The following MYH15 variants were observed in gnomAD, a reference collection of about 807,000 sequenced individuals.
MYH15 encodes myosin-15.
Under a neutral mutation model 240.5 loss-of-function variants are expected in MYH15, and 227 were observed. The ratio of observed to expected loss-of-function variants is 0.94; its 90% CI spans 0.85 to 1.05. The LOEUF (loss-of-function observed/expected upper bound fraction) is 1.05, where lower values mean the gene tolerates loss of function less well. Ranked by LOEUF, MYH15 falls within the 50% of genes least tolerant of loss-of-function variation. The probability of loss-of-function intolerance (pLI) is 0.00; values close to 1 mark genes in which losing one functional copy is unlikely to be tolerated. For missense variants in MYH15, 2,217 were observed against 2,247.5 expected, an observed-to-expected ratio of 0.99 and a Z score of 0.27; for synonymous variants, 785 against 796.7, an observed-to-expected ratio of 0.99 and a Z score of 0.25.
chr3:108,392,706 G>C (rs1033786611), intron 36 of MYH15, among the ~76,000 whole-genome samples: 4 of 152,202 alleles, frequency 2.6e-5, no homozygotes, highest in Non-Finnish European at 5.9e-5. Context: ...ACTGTGGGAG[G>C]CTTGGAGGCT....
At chr3:108,387,895 T>G (rs928985662) in intron 38 of MYH15, among the ~76,000 whole-genome samples, 4 of 152,256 alleles carry the variant, frequency 2.6e-5, no homozygotes, top group African/African-American at 9.6e-5. Context: ...TGAAGTGCTG[T>G]GCTTTCTTAT....
At position 108,464,806 on chromosome 3, in the gene MYH15, G is replaced by A. The variant is rs756867643; in HGVS notation, c.1563C>T (p.Gly521=). The part of the protein sequence containing the change: ...ACIDLIEKPM[G]ILSILEEECM... ...ACTCTTCTTCAAGGATGGAAAGGAT[G>A]CCCATTGGCTGTTGAAGAGACATAA... is the stretch of plus-strand genomic sequence containing the variant. The change falls in exon 15 of 41, where the codon GGC becomes GGT. Residue 521 remains glycine (G), a synonymous_variant. Coordinates refer to ENST00000693548, the MANE Select transcript of MYH15 (RefSeq NM_014981.3). 43 of 1,605,462 alleles carry A rather than the reference G, an allele frequency of 2.7e-5. No individual in the cohort carries two copies. The highest frequency in any genetic ancestry group is 3.6e-5 in the Non-Finnish European group (42 of 1,177,398).
At chr3:108,477,173 A>G (rs958173015) in intron 11 of MYH15, among the ~76,000 whole-genome samples, 1 of 152,196 alleles carries the variant, frequency 6.6e-6, no homozygotes, top group Non-Finnish European at 1.5e-5. Context: ...GCACTACAAC[A>G]TGGCTGAAAC....
the MYH15 span, among the ~76,000 whole-genome samples, chr3:108,545,516 T>C: frequency 6.6e-6 from 1 of 152,112 alleles, no homozygotes; most frequent in Non-Finnish European, 1.5e-5. Context: ...AATAAAACAT[T>C]AAATAAAAAC....
At chr3:108,436,695 C>T (rs147957378) in intron 25 of MYH15, among the ~76,000 whole-genome samples, 17 of 152,272 alleles carry the variant, frequency 1.1e-4, no homozygotes, top group South Asian at 8.3e-4. Flanking sequence ...CATGCCATCA[C>T]GCCCAGCTAA....
rs751582439 is a variant in MYH15 at position 108,398,648 on chromosome 3, A to G, written c.5122T>C (p.Phe1708Leu). The G allele has an allele frequency of 6.2e-7, 1 of 1,613,048 alleles. No homozygotes were observed. The highest frequency in any genetic ancestry group is 8.5e-7 in the Non-Finnish European group (1 of 1,180,030). The change falls in exon 35 of 41, where the codon TTC becomes CTC. Residue 1708 changes from phenylalanine to leucine, a missense_variant. Physicochemically the swap from Phe to Leu is conservative, Grantham distance 22 (BLOSUM62 0). Transcript: ENST00000693548. ...TATATGGGCCCCACCTGGGTATAGA[A>G]AAGATTGATTCTTTCTGTTGCTTCC... is the stretch of plus-strand genomic sequence containing the variant. Reference protein sequence around the residue: ...LLEATERINLFYTQNTSLLSQ... With the variant: ...LLEATERINLLYTQNTSLLSQ...
At chr3:108,444,569 C>G (rs1465484499) in intron 22 of MYH15, 71 bp downstream of exon 22, 1 of 1,541,824 alleles carries the variant, frequency 6.5e-7, no homozygotes, top group Non-Finnish European at 8.8e-7. Context: ...GTTTCCGTGT[C>G]AACACTGCCT....
intron 1 of MYH15, among the ~76,000 whole-genome samples, chr3:108,518,107 G>T (rs1222794689): frequency 3.9e-5 from 6 of 152,160 alleles, no homozygotes; most frequent in Non-Finnish European, 8.8e-5. Context: ...TGAGTTCTGA[G>T]TGTGTATCAC....
intron 9 of MYH15, among the ~76,000 whole-genome samples, chr3:108,488,410 T>C (rs528067935): frequency 6.6e-6 from 1 of 152,260 alleles, no homozygotes; most frequent in African/African-American, 2.4e-5. Context: ...CAGGCTCAAG[T>C]GATCCTCCCA....
intron 29 of MYH15, among the ~76,000 whole-genome samples, chr3:108,416,093 A>G (rs1560337723): frequency 6.6e-6 from 1 of 152,230 alleles, no homozygotes; most frequent in African/African-American, 2.4e-5. Flanking sequence ...TATCTGGTAC[A>G]ATGTCTGATG....
At chr3:108,400,358 C>T (rs1403155678) in intron 33 of MYH15, among the ~76,000 whole-genome samples, 1 of 152,168 alleles carries the variant, frequency 6.6e-6, no homozygotes, top group Non-Finnish European at 1.5e-5. Flanking sequence ...ACCTGTTAAG[C>T]TCAATTCATG....
upstream of MYH15, among the ~76,000 whole-genome samples, chr3:108,529,739 A>C (rs1003651093): frequency 6.6e-6 from 1 of 152,200 alleles, no homozygotes; most frequent in African/African-American, 2.4e-5. Context: ...CTGATCCCTG[A>C]AAGAGGGGAG....
intron 15 of MYH15, 116 bp downstream of exon 15, chr3:108,464,522 T>C: frequency 1.9e-6 from 2 of 1,073,484 alleles, no homozygotes; most frequent in Non-Finnish European, 2.7e-6. Context: ...GAGATGTATT[T>C]TGTTCTTCTC....
At chr3:108,513,978 T>C (rs2083540224), upstream of MYH15, among the ~76,000 whole-genome samples, 1 of 152,218 alleles carries the variant, frequency 6.6e-6, no homozygotes, top group African/African-American at 2.4e-5. Flanking sequence ...TTTATATTGA[T>C]ACGGCACAAT....
chr3:108,526,913 T>G (rs2107275176), intron 1 of MYH15, among the ~76,000 whole-genome samples: 1 of 152,300 alleles, frequency 6.6e-6, no homozygotes, highest in South Asian at 2.1e-4. Context: ...TGAGTTAAAA[T>G]TTATTTACAT....
rs765329028 is a variant in MYH15 at position 108,389,038 on chromosome 3, G to A, written c.5467C>T (p.Arg1823Cys). ...ELEGELEGEI[R>C]RSAEAQRGAR... is the part of the protein sequence containing the mutation. ...CCCCTCTGGGCCTCTGCACTGCGACGGATTTCACCCTCCAGTTCACCTTCC... is the reference window on the plus strand; with the variant it reads ...CCCCTCTGGGCCTCTGCACTGCGACAGATTTCACCCTCCAGTTCACCTTCC... Residue 1823 changes from arginine to cysteine, a missense_variant, in exon 38 of 41, where the codon CGT becomes TGT. Physicochemically the swap from Arg to Cys is radical, Grantham distance 180. Coordinates refer to ENST00000693548, the MANE Select transcript of MYH15 (RefSeq NM_014981.3). The A allele has an allele frequency of 2.5e-5, 40 of 1,613,758 alleles. No homozygotes were observed. Among genetic ancestry groups the A allele is most frequent in the Middle Eastern group, 1.6e-4 (1 of 6,082 alleles).
At chr3:108,433,420 C>A (rs188421997) in intron 25 of MYH15, among the ~76,000 whole-genome samples, 3 of 152,084 alleles carry the variant, frequency 2.0e-5, no homozygotes, top group African/African-American at 7.2e-5. Context: ...GAGTTAAAGC[C>A]GAAATGAGTT....
intron 33 of MYH15, chr3:108,405,079 T>C (rs1216851955): frequency 3.7e-5 from 8 of 214,928 alleles, no homozygotes; most frequent in Non-Finnish European, 6.4e-5. Flanking sequence ...CTGTACACAA[T>C]TGTGTATAAA....
At chr3:108,526,159 T>TA (rs1421222177) in intron 1 of MYH15, among the ~76,000 whole-genome samples, 2 of 152,126 alleles carry the variant, frequency 1.3e-5, no homozygotes, top group Non-Finnish European at 2.9e-5. Context: ...GCTAGACTCT[T>TA]ATACAGTGAT....
Sources: gnomAD v4.1 joint callset for allele counts (sites outside exome capture counted in the v4.1 genomes callset) on GRCh38, gnomAD v4.1.1 for gene constraint, MANE v1.5 for transcripts, NCBI Gene and HGNC (gene_info 2026-07-23, HGNC 2026-07-21) for gene names.